The following FAHD1 variants were observed in gnomAD, a reference collection of about 807,000 sequenced individuals.
The protein encoded by FAHD1 is oxaloacetate tautomerase FAHD1, mitochondrial.
In FAHD1, 14 loss-of-function variants were observed where a neutral mutation model predicts 12.7. The observed-to-expected ratio is 1.10, with a 90% CI of 0.73 to 1.72. The LOEUF (loss-of-function observed/expected upper bound fraction) is 1.72, where lower values mean the gene tolerates loss of function less well. Among genes scored for constraint, FAHD1 ranks in the 40% most tolerant of loss-of-function variants. The pLI is 0.00. For missense variants in FAHD1, 351 were observed against 298.9 expected (o/e 1.17, Z -1.29); for synonymous variants, 153 against 124.9 (o/e 1.22, Z -1.50).
chr16:1,839,197 T>TG, intron 2 of FAHD1: 1 of 1,474,378 alleles, frequency 6.8e-7, no homozygotes, highest in Non-Finnish European at 9.0e-7. Context: ...TATATTTTTT[T>TG]GGGAAAAAGC....
downstream of FAHD1, among the ~76,000 whole-genome samples, chr16:1,830,790 C>T (rs143695332): frequency 1.6e-3 from 240 of 152,250 alleles, 1 homozygote; most frequent in African/African-American, 5.5e-3. Context: ...ATACAATGAA[C>T]TCCATATGCC....
downstream of FAHD1, among the ~76,000 whole-genome samples, chr16:1,831,387 G>C (rs1898617564): frequency 6.6e-6 from 1 of 152,174 alleles, no homozygotes; most frequent in African/African-American, 2.4e-5. Flanking sequence ...GAAGAAAGTG[G>C]TCTCTGGGCT....
intron 1 of FAHD1, among the ~76,000 whole-genome samples, chr16:1,834,730 C>T (rs1017564619): frequency 4.6e-5 from 7 of 151,620 alleles, no homozygotes; most frequent in African/African-American, 1.7e-4. Flanking sequence ...GTCAGGAGTT[C>T]GAGACCAGCC....
intron 1 of FAHD1, among the ~76,000 whole-genome samples, chr16:1,836,814 C>T (rs1464029573): frequency 6.6e-6 from 1 of 152,144 alleles, no homozygotes. Flanking sequence ...TCCATGATAC[C>T]ATTAGTCTGA....
At chr16:1,834,960 A>G (rs930065366) in intron 1 of FAHD1, among the ~76,000 whole-genome samples, 4 of 126,734 alleles carry the variant, frequency 3.2e-5, no homozygotes, top group African/African-American at 1.2e-4. Flanking sequence ...ACTAAAAAAA[A>G]TGTCTAATGC....
In FAHD1 at chr16:1,839,171, G is replaced by A; in HGVS notation, c.*9-91G>A. The A allele has an allele frequency of 2.1e-6, 3 of 1,419,684 alleles. No homozygotes were observed. In the African/African-American group the frequency reaches 4.3e-5, roughly 20 times the overall value. The allele number at this position is 1,419,684 out of a possible 1,614,324, so 87.9% of individuals were successfully genotyped here. On this transcript the variant is annotated intron_variant, in intron 2 of 2. Transcript: ENST00000382666. ...ATTAGTGAATCAATTTCTATCAAAT[G>A]TTTGACAAAACAACCTATATTTTTT...
At chr16:1,831,942 A>G (rs538734155), downstream of FAHD1, among the ~76,000 whole-genome samples, 269 of 152,212 alleles carry the variant, frequency 1.8e-3, 2 homozygotes, top group African/African-American at 6.3e-3. Context: ...TCTTCCACCA[A>G]ACCATTCCCA....
downstream of FAHD1, among the ~76,000 whole-genome samples, chr16:1,832,968 G>A (rs1289132188): frequency 6.9e-6 from 1 of 144,922 alleles, no homozygotes; most frequent in Non-Finnish European, 1.5e-5. Flanking sequence ...AAACATGACT[G>A]ACGATGGTTT....
chr16:1,837,831 C>T (rs1000653945), intron 1 of FAHD1: 3 of 1,538,110 alleles, frequency 2.0e-6, no homozygotes, highest in Admixed American at 2.0e-5. Context: ...CACTTTAATG[C>T]TGTTTTCTGT....
downstream of FAHD1, among the ~76,000 whole-genome samples, chr16:1,829,547 AT>A (rs1411352949): frequency 2.6e-5 from 4 of 152,218 alleles, no homozygotes; most frequent in Admixed American, 2.0e-4. Flanking sequence ...CATAAGAAGA[AT>A]CAGACACTTA....
At chr16:1,837,641 T>C (rs1338789027) in intron 1 of FAHD1, 3 of 488,644 alleles carry the variant, frequency 6.1e-6, no homozygotes, top group Non-Finnish European at 1.1e-5. Context: ...TCCTTTGCTT[T>C]TAGGATAGCT....
exon 1 of FAHD1, chr16:1,828,599 G>A: frequency 2.0e-6 from 2 of 999,338 alleles, no homozygotes; most frequent in Non-Finnish European, 1.2e-6. Flanking sequence ...TCTTAGATTT[G>A]GTCATCATCA....
chr16:1,831,932 TC>T (rs1898627236), downstream of FAHD1, among the ~76,000 whole-genome samples: 1 of 152,054 alleles, frequency 6.6e-6, no homozygotes, highest in African/African-American at 2.4e-5. Flanking sequence ...GGAAAAACTG[TC>T]TTCCACCAAA....
downstream of FAHD1, among the ~76,000 whole-genome samples, chr16:1,832,460 C>T (rs1226735530): frequency 6.7e-6 from 1 of 149,784 alleles, no homozygotes; most frequent in Admixed American, 6.6e-5. Flanking sequence ...CGTGAGCCAC[C>T]GCGCCTGGCC....
At chr16:1,834,469 G>A (rs2142069634) in intron 1 of FAHD1, 3 of 629,338 alleles carry the variant, frequency 4.8e-6, no homozygotes, top group Non-Finnish European at 8.4e-6. Flanking sequence ...TGCAATGAAA[G>A]TTTTGTTTAC....
intron 1 of FAHD1, among the ~76,000 whole-genome samples, chr16:1,835,424 A>G (rs1898716784): frequency 6.6e-6 from 1 of 152,180 alleles, no homozygotes; most frequent in Non-Finnish European, 1.5e-5. Flanking sequence ...TATTTTTTAT[A>G]ATTTATACAG....
chr16:1,831,358 G>A (rs947475306), downstream of FAHD1, among the ~76,000 whole-genome samples: 4 of 152,170 alleles, frequency 2.6e-5, no homozygotes, highest in Non-Finnish European at 4.4e-5. Flanking sequence ...AGCAGAAAGG[G>A]CAGGGAGCAA....
chr16:1,837,813 G>C, intron 1 of FAHD1: 1 of 1,540,340 alleles, frequency 6.5e-7, no homozygotes, highest in Non-Finnish European at 8.8e-7. Flanking sequence ...CTTTCCAAGA[G>C]AAATTGCCAC....
chr16:1,836,655 G>C (rs528643603), intron 1 of FAHD1, among the ~76,000 whole-genome samples: 4 of 151,962 alleles, frequency 2.6e-5, no homozygotes, highest in African/African-American at 9.6e-5. Context: ...AGATGTGTTG[G>C]TGGCCATGGA....
Sources: allele counts gnomAD v4.1 joint callset (sites outside exome capture counted in the v4.1 genomes callset), GRCh38; gene constraint gnomAD v4.1.1; transcripts MANE v1.5; gene names NCBI Gene and HGNC (gene_info 2026-07-23, HGNC 2026-07-21).